Variants in OVCA2 observed in about 807,000 individuals in gnomAD.
OVCA2 encodes the protein esterase OVCA2.
Under a neutral mutation model 10.1 loss-of-function variants are expected in OVCA2, and 14 were observed. The observed-to-expected ratio is 1.39, with a 90% confidence interval of 0.92 to 2.17. OVCA2 has a LOEUF of 2.17. Among genes scored for constraint, OVCA2 ranks in the 30% most tolerant of loss-of-function variants. The pLI, the probability that OVCA2 is intolerant of heterozygous loss-of-function variation, is 0.00. For synonymous variants in OVCA2, 201 were observed against 134.1 expected (o/e 1.50, Z -3.45); for missense variants, 376 against 300.5 (o/e 1.25, Z -1.86).
rs2067548528 is a variant in OVCA2, at chr17:2,042,205, GC to G, written c.162del (p.Glu55ArgfsTer52). ...CCGCACCCGGTCCCCGACCCCCCGG[GC>G]CCCGAGGGCGCCAGATCAGACTTCG... ...SGPHPVPDPP[G>X]PEGARSDFGS... On this transcript the variant is annotated frameshift_variant, in exon 1 of 2. Transcript: ENST00000572195. LOFTEE classifies it high-confidence loss of function. 1.4e-6 allele frequency: 2 copies of G among 1,432,874 alleles called. No individual in the cohort carries two copies. Among genetic ancestry groups the G allele is most frequent in the Non-Finnish European group, 1.8e-6 (2 of 1,100,708 alleles). The allele number at this position is 1,432,874 out of a possible 1,614,324, so 88.8% of individuals were successfully genotyped here. A position where few individuals can be genotyped will look rare whatever the true frequency, so the allele number is the denominator to read the frequency against.
chr17:2,042,190 T>TC lies in OVCA2; in HGVS notation c.147dup (p.Asp50ArgfsTer64), dbSNP rs779004308. The TC allele has an allele frequency of 4.9e-6, 7 of 1,430,358 alleles. No individual in the cohort carries two copies. In the East Asian group the frequency reaches 1.9e-4, roughly 40 times the overall value. 88.6% of individuals were successfully genotyped at this position (1,430,358 alleles called of 1,614,324 possible). A position where few individuals can be genotyped will look rare whatever the true frequency, so the allele number is the denominator to read the frequency against. On this transcript the variant is annotated frameshift_variant, in exon 1 of 2. Transcript: ENST00000572195. LOFTEE classifies it low-confidence loss of function (END_TRUNC). ...GTGTGCCTCAGCGGCCCGCACCCGG[T>TC]CCCCGACCCCCCGGGCCCCGAGGGC... is the stretch of plus-strand genomic sequence containing the variant.
At position 2,042,746 on chromosome 17, in the gene OVCA2, T is replaced by C. The variant is rs1293438900; in HGVS notation, c.326T>C (p.Leu109Pro). 1 of 1,602,558 alleles carries C rather than the reference T, an allele frequency of 6.2e-7. No individual in the cohort carries two copies. Among genetic ancestry groups the C allele is most frequent in the Non-Finnish European group, 8.5e-7 (1 of 1,174,782 alleles). Reference sequence around the variant, plus strand: ...ATGGTGGCACAGGCACTGAACAGGCTGGGGCCTTTTGACGGCCTTCTTGGT... The same window carrying C: ...ATGGTGGCACAGGCACTGAACAGGCCGGGGCCTTTTGACGGCCTTCTTGGT... Reference protein sequence around the residue: ...LGMVAQALNRLGPFDGLLGFS... With the variant: ...LGMVAQALNRPGPFDGLLGFS... The change falls in exon 2 of 2, where the codon CTG becomes CCG. Residue 109 changes from leucine to proline, a missense_variant. Leu to Pro is a moderately conservative substitution (Grantham distance 98). Transcript: ENST00000572195.
rs755129848 is a variant in OVCA2, at chr17:2,042,672, C to T, written c.252C>T (p.Ser84=). 3.5e-5 allele frequency: 53 copies of T among 1,524,586 alleles called. No individual in the cohort carries two copies. In the East Asian group the frequency reaches 7.7e-4, roughly 22 times the overall value. 94.4% of individuals were successfully genotyped at this position (1,524,586 alleles called of 1,614,324 possible). Residue 84 remains serine, a synonymous_variant, in exon 2 of 2, where the codon TCC becomes TCT. Coordinates refer to ENST00000572195, the MANE Select transcript of OVCA2 (RefSeq NM_080822.3). ...WFSEQEADVF[S]ALEEPAVCRG... is the part of the protein sequence containing the mutation. ...CAGAGCAGGAGGCCGACGTTTTCTC[C>T]GCATTGGAAGAGCCCGCCGTCTGCA...
In OVCA2 at chr17:2,042,669, C is replaced by T. The variant is rs1567550169; in HGVS notation, c.249C>T (p.Phe83=). ...TTTCAGAGCAGGAGGCCGACGTTTT[C>T]TCCGCATTGGAAGAGCCCGCCGTCT... ...WWFSEQEADV[F]SALEEPAVCR... is the part of the protein sequence containing the mutation. The change falls in exon 2 of 2, where the codon TTC becomes TTT. Residue 83 remains phenylalanine, a synonymous_variant. Coordinates refer to ENST00000572195, the MANE Select transcript of OVCA2 (RefSeq NM_080822.3). 2 of 1,524,748 alleles carry T rather than the reference C, an allele frequency of 1.3e-6. No individual in the cohort carries two copies. Among genetic ancestry groups the T allele is most frequent in the East Asian group, 2.3e-5 (1 of 44,196 alleles). The allele number at this position is 1,524,748 out of a possible 1,614,324, so 94.5% of individuals were successfully genotyped here.
At position 2,043,166 on chromosome 17, in the gene OVCA2, T is replaced by C. The variant is rs2067577962; in HGVS notation, c.*62T>C. 3.2e-6 allele frequency: 5 copies of C among 1,556,214 alleles called. No homozygotes were observed. Among genetic ancestry groups the C allele is most frequent in the Non-Finnish European group, 3.5e-6 (4 of 1,147,532 alleles). On this transcript the variant is annotated 3_prime_UTR_variant, in exon 2 of 2. Coordinates refer to ENST00000572195, the MANE Select transcript of OVCA2 (RefSeq NM_080822.3). ...CTCTAGGGGCAGCCTCCGTCATCCA[T>C]GCCCTCCCAGGACCCTCCACTCACT...
rs770652391 is a variant in OVCA2, at chr17:2,042,217, C to G, written c.170C>G (p.Ala57Gly). 7 of 1,428,536 alleles carry G rather than the reference C, an allele frequency of 4.9e-6. No individual in the cohort carries two copies. Among genetic ancestry groups the G allele is most frequent in the Middle Eastern group, 1.8e-4 (1 of 5,466 alleles). The allele number at this position is 1,428,536 out of a possible 1,614,324, so 88.5% of individuals were successfully genotyped here. The change falls in exon 1 of 2, where the codon GCC (alanine) becomes GGC (glycine). Residue 57 changes from alanine to glycine, a missense_variant. Coordinates refer to ENST00000572195, the MANE Select transcript of OVCA2 (RefSeq NM_080822.3). ...CCCGACCCCCCGGGCCCCGAGGGCG[C>G]CAGATCAGACTTCGGTGAGACAAGC... ...PVPDPPGPEG[A>G]RSDFGSCPPE...
rs1161799677 is a variant in OVCA2 at position 2,043,355 on chromosome 17, T to C, written c.*251T>C. 2.2e-6 allele frequency: 1 copy of C among 463,954 alleles called. No individual in the cohort carries two copies. The highest frequency in any genetic ancestry group is 3.8e-6 in the Non-Finnish European group (1 of 263,944). The allele number at this position is 463,954 out of a possible 1,614,324, so 28.7% of individuals were successfully genotyped here. Reference sequence around the variant, plus strand: ...TGAATATGGTTGGAGAGCCCTGGATTAGGAGGGTGACATGGGGAAGGCAGA... The same window carrying C: ...TGAATATGGTTGGAGAGCCCTGGATCAGGAGGGTGACATGGGGAAGGCAGA... On this transcript the variant is annotated 3_prime_UTR_variant, in exon 2 of 2. Transcript: ENST00000572195.
At position 2,043,412 on chromosome 17, in the gene OVCA2, AGTG is replaced by A. The variant is rs1266375804; in HGVS notation, c.*312_*314del. ...CACCATGGTGACTGCCACATAATAA[AGTG>A]GTGATTTGGATTTTGAGCATCTTTT... On this transcript the variant is annotated 3_prime_UTR_variant, in exon 2 of 2. Coordinates refer to ENST00000572195, the MANE Select transcript of OVCA2 (RefSeq NM_080822.3). The A allele has an allele frequency of 6.5e-6, 2 of 307,140 alleles. No individual in the cohort carries two copies. Among genetic ancestry groups the A allele is most frequent in the Non-Finnish European group, 1.2e-5 (2 of 165,714 alleles). The allele number at this position is 307,140 out of a possible 1,614,324, so 19.0% of individuals were successfully genotyped here.
Position 2,042,583 on chromosome 17 carries a change from C to T in OVCA2, c.185-22C>T. On this transcript the variant is annotated intron_variant, in intron 1 of 1. Coordinates refer to ENST00000572195, the MANE Select transcript of OVCA2 (RefSeq NM_080822.3). Reference sequence around the variant, plus strand: ...GAGCCTCCCATGCCCTAATCCCATCCTTTTTCCTCATATCGCTGTAGGGTC... The same window carrying T: ...GAGCCTCCCATGCCCTAATCCCATCTTTTTTCCTCATATCGCTGTAGGGTC... The T allele has an allele frequency of 2.0e-6, 3 of 1,507,856 alleles. No homozygotes were observed. In the South Asian group the frequency reaches 4.2e-5, roughly 21 times the overall value. 93.4% of individuals were successfully genotyped at this position (1,507,856 alleles called of 1,614,324 possible).
rs1489784277 is a variant in OVCA2 at position 2,043,412 on chromosome 17, A to G, written c.*308A>G. On this transcript the variant is annotated 3_prime_UTR_variant, in exon 2 of 2. Transcript: ENST00000572195. ...CACCATGGTGACTGCCACATAATAA[A>G]GTGGTGATTTGGATTTTGAGCATCT... 1 of 307,022 alleles carries G rather than the reference A, an allele frequency of 3.3e-6. No homozygotes were observed. Among genetic ancestry groups the G allele is most frequent in the Non-Finnish European group, 6.0e-6 (1 of 165,722 alleles). The allele number at this position is 307,022 out of a possible 1,614,324, so 19.0% of individuals were successfully genotyped here.
At position 2,043,073 on chromosome 17, in the gene OVCA2, A is replaced by G. The variant is rs752033411; in HGVS notation, c.653A>G (p.Tyr218Cys). 1.2e-6 allele frequency: 2 copies of G among 1,613,832 alleles called. No individual in the cohort carries two copies. The highest frequency in any genetic ancestry group is 4.5e-5 in the East Asian group (2 of 44,882). ...GCAGCTGCACCCCAGCGTCAGGCCT[A>G]CCTCAAGTTCTTGGACCAGTTTGCA... is the stretch of plus-strand genomic sequence containing the variant. ...IPAAAPQRQA[Y>C]LKFLDQFAE The change falls in exon 2 of 2, where the codon TAC becomes TGC. Residue 218 changes from tyrosine to cysteine, a missense_variant. Coordinates refer to ENST00000572195, the MANE Select transcript of OVCA2 (RefSeq NM_080822.3).
Position 2,042,903 on chromosome 17 carries a change from C to T in OVCA2, c.483C>T (p.Ser161=), listed in dbSNP as rs747842625. ...FCPRGIGFKE[S]ILQRPLSLPS... ...CCCGGGGCATTGGGTTCAAGGAATC[C>T]ATCCTGCAAAGGCCCTTGTCATTGC... Residue 161 remains serine, a synonymous_variant, in exon 2 of 2, where the codon TCC becomes TCT. Coordinates refer to ENST00000572195, the MANE Select transcript of OVCA2 (RefSeq NM_080822.3). 1 of 1,614,162 alleles carries T rather than the reference C, an allele frequency of 6.2e-7. No individual in the cohort carries two copies. The highest frequency in any genetic ancestry group is 2.2e-5 in the East Asian group (1 of 44,886).
rs772506587 is a variant in OVCA2, at chr17:2,042,891, G to T, written c.471G>T (p.Gly157=). 5.0e-6 allele frequency: 8 copies of T among 1,614,176 alleles called. No homozygotes were observed. Among genetic ancestry groups the T allele is most frequent in the Non-Finnish European group, 6.8e-6 (8 of 1,180,042 alleles). ...CTGGTTTCTGTCCCCGGGGCATTGG[G>T]TTCAAGGAATCCATCCTGCAAAGGC... ...LVSGFCPRGI[G]FKESILQRPL... The change falls in exon 2 of 2, where the codon GGG becomes GGT. Residue 157 remains glycine (G), a synonymous_variant. Coordinates refer to ENST00000572195, the MANE Select transcript of OVCA2 (RefSeq NM_080822.3).
At chr17:2,042,520 T>A in intron 1 of OVCA2, 85 bp from the exon 2 acceptor site, 1 of 1,459,314 alleles carries the variant, frequency 6.9e-7, no homozygotes. Context: ...CTCTGTCATC[T>A]CGAACCCTCC....
In OVCA2 at chr17:2,042,786, TGC is replaced by T; in HGVS notation, c.369_370del (p.Leu124SerfsTer55). The T allele has an allele frequency of 6.2e-7, 1 of 1,612,746 alleles. No homozygotes were observed. Among genetic ancestry groups the T allele is most frequent in the Non-Finnish European group, 8.5e-7 (1 of 1,179,610 alleles). Reference sequence around the variant, plus strand: ...GCCTTCTTGGTTTCAGCCAAGGGGCTGCGCTAGCAGCCCTTGTGTGTGCCCTG... The same window carrying T: ...GCCTTCTTGGTTTCAGCCAAGGGGCTGCTAGCAGCCCTTGTGTGTGCCCTG... ...DGLLGFSQGA[A>X]LAALVCALGQ... On this transcript the variant is annotated frameshift_variant, in exon 2 of 2. Transcript: ENST00000572195. LOFTEE classifies it high-confidence loss of function.
chr17:2,042,365 G>A, intron 1 of OVCA2, 134 bp downstream of exon 1: 2 of 1,323,464 alleles, frequency 1.5e-6, no homozygotes, highest in Non-Finnish European at 2.0e-6. Flanking sequence ...CATTTCTCGC[G>A]ACCCATACCC....
At chr17:2,042,527 C>T (rs2067560324) in intron 1 of OVCA2, 78 bp from the exon 2 acceptor site, 2 of 1,483,754 alleles carry the variant, frequency 1.3e-6, no homozygotes, top group South Asian at 3.0e-5. Flanking sequence ...ATCTCGAACC[C>T]TCCTGCCCTT....
Position 2,043,199 on chromosome 17 carries a change from G to A in OVCA2, c.*95G>A, listed in dbSNP as rs2067578668. 2.1e-6 allele frequency: 3 copies of A among 1,428,160 alleles called. No homozygotes were observed. The highest frequency in any genetic ancestry group is 2.8e-6 in the Non-Finnish European group (3 of 1,053,132). The allele number at this position is 1,428,160 out of a possible 1,614,324, so 88.5% of individuals were successfully genotyped here. A position where few individuals can be genotyped will look rare whatever the true frequency, so the allele number is the denominator to read the frequency against. ...CAGGACCCTCCACTCACTGCTGTGA[G>A]TGCGCCTCACCAGAACCAGTTAAGA... is the stretch of plus-strand genomic sequence containing the variant. On this transcript the variant is annotated 3_prime_UTR_variant, in exon 2 of 2. Coordinates refer to ENST00000572195, the MANE Select transcript of OVCA2 (RefSeq NM_080822.3).
chr17:2,043,191 T>A lies in OVCA2; in HGVS notation c.*87T>A. 9 of 1,428,312 alleles carry A rather than the reference T, an allele frequency of 6.3e-6. No individual in the cohort carries two copies. Among genetic ancestry groups the A allele is most frequent in the Non-Finnish European group, 7.6e-6 (8 of 1,051,986 alleles). 88.5% of individuals were successfully genotyped at this position (1,428,312 alleles called of 1,614,324 possible). On this transcript the variant is annotated 3_prime_UTR_variant, in exon 2 of 2. Coordinates refer to ENST00000572195, the MANE Select transcript of OVCA2 (RefSeq NM_080822.3). ...TGCCCTCCCAGGACCCTCCACTCAC[T>A]GCTGTGAGTGCGCCTCACCAGAACC...
Sources: allele counts gnomAD v4.1 joint callset, GRCh38; gene constraint gnomAD v4.1.1; transcripts MANE v1.5; gene names NCBI Gene and HGNC (gene_info 2026-07-23, HGNC 2026-07-21).